Variants in TP63 observed in about 807,000 individuals in gnomAD.
TP63 encodes tumor protein p63.
Under a neutral mutation model 82.8 loss-of-function variants are expected in TP63, and 17 were observed. The ratio of observed to expected loss-of-function variants is 0.21; its 90% CI spans 0.14 to 0.31. TP63 has a LOEUF of 0.31. Ranked by LOEUF, TP63 falls within the 10% of genes least tolerant of loss-of-function variation. The pLI is 1.00. For synonymous variants in TP63, 330 were observed against 321.7 expected (o/e 1.03, Z -0.28); for missense variants, 648 against 895.3 (o/e 0.72, Z 3.52).
chr3:189,668,423 G>A (rs78396810), intron 1 of TP63, among the ~76,000 whole-genome samples: 10,582 of 151,862 alleles, frequency 0.07, 450 homozygotes, highest in Middle Eastern at 0.19. Context: ...TATAGATGAG[G>A]TATCTAAACA....
chr3:189,728,550 A>G (rs189256997), intron 1 of TP63, among the ~76,000 whole-genome samples: 1 of 152,328 alleles, frequency 6.6e-6, no homozygotes, highest in Admixed American at 6.5e-5. Flanking sequence ...CTCAAGGATG[A>G]AAACAACCTG....
At position 189,894,911 on chromosome 3, in the gene TP63, A is replaced by G; in HGVS notation, c.*409A>G. On this transcript the variant is annotated 3_prime_UTR_variant, in exon 14 of 14. Transcript: ENST00000264731. ...TATTGTTTAAAATGTAATTTAAATGAAAGAAAATTGAGTTGCACTTATTGA... is the reference window on the plus strand; with the variant it reads ...TATTGTTTAAAATGTAATTTAAATGGAAGAAAATTGAGTTGCACTTATTGA... 4.4e-6 allele frequency: 1 copy of G among 226,380 alleles called. No homozygotes were observed. The highest frequency in any genetic ancestry group is 8.9e-6 in the Non-Finnish European group (1 of 112,846). The allele number at this position is 226,380 out of a possible 1,614,324, so 14.0% of individuals were successfully genotyped here.
rs185587192 is a variant in TP63 at position 189,797,351 on chromosome 3, G to A, written c.325-10921G>A. Among the ~76,000 whole-genome samples the A allele has an allele frequency of 1.1e-4, 16 of 152,166 alleles. No individual in the cohort carries two copies. The South Asian group carries it at 2.9e-3, about 28-fold the overall frequency. ...TACCCCTATGAGAATTACCACCCCC[G>A]AAGTGAGCTTGCCTTGGAAGGAACT... On this transcript the variant is annotated intron_variant, in intron 3 of 13. Coordinates refer to ENST00000264731, the MANE Select transcript of TP63 (RefSeq NM_003722.5).
At chr3:189,736,551 G>A (rs9876702) in intron 1 of TP63, among the ~76,000 whole-genome samples, 8,687 of 152,068 alleles carry the variant, frequency 0.057, 313 homozygotes, top group African/African-American at 0.096. Flanking sequence ...CACATTTACT[G>A]TAGGTTTGTT....
intron 4 of TP63, among the ~76,000 whole-genome samples, chr3:189,823,503 C>T (rs933339633): frequency 2.6e-5 from 4 of 152,104 alleles, no homozygotes; most frequent in African/African-American, 7.2e-5. Flanking sequence ...TGATGTGGCT[C>T]ACTCACCAGG....
At chr3:189,786,479 A>G (rs922270400) in intron 3 of TP63, among the ~76,000 whole-genome samples, 45 of 146,942 alleles carry the variant, frequency 3.1e-4, no homozygotes, top group African/African-American at 1.1e-3. Flanking sequence ...ACACACACAC[A>G]CACGCATGCA....
chr3:189,649,731 C>T lies in TP63; in HGVS notation c.62+18154C>T, dbSNP rs567925914. On this transcript the variant is annotated intron_variant, in intron 1 of 13. Transcript: ENST00000264731. ...TTCAACTGCATTTTAGAGATCTGAGCGACATGGATCTGAGGGGAATGAGGA... is the reference window on the plus strand; with the variant it reads ...TTCAACTGCATTTTAGAGATCTGAGTGACATGGATCTGAGGGGAATGAGGA... Among the ~76,000 whole-genome samples the T allele has an allele frequency of 1.3e-4, 19 of 146,220 alleles. 3 individuals carry two copies. The highest frequency in any genetic ancestry group is 2.4e-4 in the Non-Finnish European group (16 of 67,098).
chr3:189,606,505 A>ATT, the TP63 span, among the ~76,000 whole-genome samples: 21 of 67,268 alleles, frequency 3.1e-4, no homozygotes, highest in Non-Finnish European at 4.1e-4. Context: ...TAAGATGGCC[A>ATT]TTTTTTTTTT....
the TP63 span, among the ~76,000 whole-genome samples, chr3:189,621,332 A>G: frequency 2.6e-5 from 4 of 152,108 alleles, no homozygotes; most frequent in Non-Finnish European, 5.9e-5. Context: ...TAGATGATTT[A>G]TTTTTGGTTT....
At chr3:189,632,562 G>A (rs992361817) in intron 1 of TP63, among the ~76,000 whole-genome samples, 4 of 152,060 alleles carry the variant, frequency 2.6e-5, no homozygotes, top group African/African-American at 7.2e-5. Context: ...GAGGTTTCTG[G>A]TGGGTTGTGC....
chr3:189,605,768 G>T, the TP63 span, among the ~76,000 whole-genome samples: 1 of 151,688 alleles, frequency 6.6e-6, no homozygotes, highest in African/African-American at 2.4e-5. Context: ...TCCATTAATG[G>T]CTAGAAAAAA....
intron 3 of TP63, among the ~76,000 whole-genome samples, chr3:189,769,212 CA>C (rs1405584838): frequency 6.6e-6 from 1 of 152,076 alleles, no homozygotes; most frequent in Non-Finnish European, 1.5e-5. Context: ...TGTATTTTTT[CA>C]ATGTTTAATA....
chr3:189,885,967 G>A (rs926080567), intron 10 of TP63, among the ~76,000 whole-genome samples: 1 of 152,206 alleles, frequency 6.6e-6, no homozygotes, highest in African/African-American at 2.4e-5. Context: ...CAAATGGAAT[G>A]CCTTAGCTGC....
intron 1 of TP63, among the ~76,000 whole-genome samples, chr3:189,682,550 AAAAATATATAT>A (rs1278971684): frequency 6.4e-4 from 29 of 45,166 alleles, no homozygotes; most frequent in African/African-American, 1.3e-3. Flanking sequence ...AAAAAAAAAA[AAAAATATATAT>A]ATATATATAT....
chr3:189,862,999 A>G (rs977617448), intron 4 of TP63, among the ~76,000 whole-genome samples: 1 of 152,234 alleles, frequency 6.6e-6, no homozygotes, highest in Non-Finnish European at 1.5e-5. Context: ...CAAATACTAT[A>G]TTTTAAAATG....
intron 1 of TP63, among the ~76,000 whole-genome samples, chr3:189,727,758 C>G (rs1466558252): frequency 6.6e-6 from 1 of 152,074 alleles, no homozygotes; most frequent in African/African-American, 2.4e-5. Flanking sequence ...CTAATGTATT[C>G]CAAACCTGAT....
chr3:189,663,608 A>G (rs1696831411), intron 1 of TP63, among the ~76,000 whole-genome samples: 1 of 141,260 alleles, frequency 7.1e-6, no homozygotes, highest in African/African-American at 2.6e-5. Flanking sequence ...GCTCACTGCA[A>G]CATCCATCTC....
At chr3:189,630,767 C>G (rs1729425161), upstream of TP63, among the ~76,000 whole-genome samples, 1 of 151,932 alleles carries the variant, frequency 6.6e-6, no homozygotes, top group Non-Finnish European at 1.5e-5. Context: ...GGCAAAGCTT[C>G]TAAGGGGATG....
intron 3 of TP63, among the ~76,000 whole-genome samples, chr3:189,784,508 T>C (rs988900228): frequency 6.6e-6 from 1 of 152,116 alleles, no homozygotes. Context: ...GAACATAGTA[T>C]CTAAGGCATA....
Sources: gnomAD v4.1 joint callset for allele counts (sites outside exome capture counted in the v4.1 genomes callset) on GRCh38, gnomAD v4.1.1 for gene constraint, MANE v1.5 for transcripts, NCBI Gene and HGNC (gene_info 2026-07-23, HGNC 2026-07-21) for gene names.